The following SLC30A8 variants were observed in gnomAD, a reference collection of about 807,000 sequenced individuals.
SLC30A8 encodes solute carrier family 30 member 8.
A neutral mutation model predicts 36.9 loss-of-function variants in SLC30A8; 27 were observed. That is an observed-to-expected ratio of 0.73 (90% CI 0.54 to 1.01). SLC30A8 has a LOEUF of 1.01. Ranked by LOEUF, SLC30A8 falls within the 50% of genes least tolerant of loss-of-function variation. The probability of loss-of-function intolerance (pLI) is 0.00; values close to 1 mark genes in which losing one functional copy is unlikely to be tolerated. For missense variants in SLC30A8, 439 were observed against 452.0 expected (o/e 0.97, Z 0.26); for synonymous variants, 164 against 172.4 (o/e 0.95, Z 0.38).
chr8:116,986,185 T>G (rs1311846478), intron 1 of SLC30A8, among the ~76,000 whole-genome samples: 1 of 152,232 alleles, frequency 6.6e-6, no homozygotes, highest in Non-Finnish European at 1.5e-5. Context: ...CTTCTTAGTT[T>G]TCTTCATAGT....
At chr8:117,090,809 G>A (rs563048437) in intron 2 of SLC30A8, among the ~76,000 whole-genome samples, 2 of 152,258 alleles carry the variant, frequency 1.3e-5, no homozygotes, top group South Asian at 4.1e-4. Flanking sequence ...TTAGCTCTCT[G>A]TATTTGTCAC....
rs1241680394 is a variant in SLC30A8 at position 117,153,088 on chromosome 8, C to T, written c.416C>T (p.Ala139Val). The T allele has an allele frequency of 6.2e-7, 1 of 1,606,090 alleles. No homozygotes were observed. Among genetic ancestry groups the T allele is most frequent in the Admixed American group, 1.7e-5 (1 of 59,582 alleles). ...CGGCTGACATTTGGATGGCACCGAG[C>T]AGGTACGGTTCATAGAGTGAGCAAT... ...SKRLTFGWHR[A>V]EILGALLSIL... is the part of the protein sequence containing the mutation. Residue 139 changes from alanine (A) to valine (V), a missense_variant and splice_region_variant, in exon 3 of 8, where the codon GCA (alanine) becomes GTA (valine). Ala to Val is a moderately conservative substitution (Grantham distance 64). Coordinates refer to ENST00000456015, the MANE Select transcript of SLC30A8 (RefSeq NM_173851.3).
intron 6 of SLC30A8, among the ~76,000 whole-genome samples, chr8:117,168,847 C>T (rs979434888): frequency 6.6e-5 from 10 of 152,062 alleles, no homozygotes; most frequent in African/African-American, 2.4e-4. Flanking sequence ...ATCTGATATC[C>T]CTGGTTCTGC....
chr8:117,013,451 G>A (rs1413946445), intron 1 of SLC30A8, among the ~76,000 whole-genome samples: 1 of 152,078 alleles, frequency 6.6e-6, no homozygotes, highest in Non-Finnish European at 1.5e-5. Flanking sequence ...AATCATCTAG[G>A]CACCCCTTTT....
At chr8:117,143,799 T>C (rs1387762408) in intron 1 of SLC30A8, among the ~76,000 whole-genome samples, 1 of 152,020 alleles carries the variant, frequency 6.6e-6, no homozygotes, top group East Asian at 1.9e-4. Context: ...TCAGAGTATA[T>C]CCATATTTGT....
chr8:117,108,379 A>G (rs904418861), intron 2 of SLC30A8, among the ~76,000 whole-genome samples: 2 of 152,308 alleles, frequency 1.3e-5, no homozygotes, highest in East Asian at 1.9e-4. Flanking sequence ...AACATTTCTC[A>G]TATGCTAAAT....
intron 1 of SLC30A8, among the ~76,000 whole-genome samples, chr8:117,037,888 G>T (rs187191674): frequency 6.6e-5 from 10 of 152,286 alleles, no homozygotes; most frequent in Admixed American, 5.9e-4. Context: ...AGTTAGAAAA[G>T]AAAATGATCA....
At chr8:117,169,523 C>T (rs766458285) in intron 6 of SLC30A8, among the ~76,000 whole-genome samples, 1 of 152,096 alleles carries the variant, frequency 6.6e-6, no homozygotes, top group Non-Finnish European at 1.5e-5. Flanking sequence ...TTAAACAATG[C>T]TTATGCTCAG....
intron 1 of SLC30A8, among the ~76,000 whole-genome samples, chr8:117,024,122 G>A (rs544763566): frequency 3.3e-5 from 5 of 152,244 alleles, no homozygotes; most frequent in African/African-American, 9.6e-5. Context: ...CAGTTGATTT[G>A]CTGTTGGATA....
At chr8:117,106,937 T>C (rs1421878708) in intron 2 of SLC30A8, among the ~76,000 whole-genome samples, 1 of 152,198 alleles carries the variant, frequency 6.6e-6, no homozygotes, top group African/African-American at 2.4e-5. Context: ...AAAACCATTC[T>C]ATCTGCATAG....
intron 1 of SLC30A8, among the ~76,000 whole-genome samples, chr8:117,020,830 T>C (rs746423769): frequency 5.3e-5 from 8 of 152,182 alleles, no homozygotes; most frequent in Non-Finnish European, 1.2e-4. Context: ...TCTCTCTTTA[T>C]AAATATCTGT....
At chr8:117,102,762 C>G (rs1464893323) in intron 2 of SLC30A8, among the ~76,000 whole-genome samples, 1 of 152,168 alleles carries the variant, frequency 6.6e-6, no homozygotes, top group South Asian at 2.1e-4. Flanking sequence ...CCAAATGTCT[C>G]TCTTCTCATA....
chr8:117,078,541 C>T (rs1388760482), intron 2 of SLC30A8, among the ~76,000 whole-genome samples: 4 of 152,038 alleles, frequency 2.6e-5, no homozygotes, highest in East Asian at 1.9e-4. Context: ...AAAACCATGA[C>T]ATTCCTCTCT....
intron 1 of SLC30A8, among the ~76,000 whole-genome samples, chr8:116,961,707 A>G (rs1002336369): frequency 6.6e-6 from 1 of 151,926 alleles, no homozygotes; most frequent in Non-Finnish European, 1.5e-5. Flanking sequence ...GCCTTGCTGC[A>G]TACTATGGAG....
At chr8:117,153,556 A>G (rs1822302107) in intron 3 of SLC30A8, among the ~76,000 whole-genome samples, 1 of 152,194 alleles carries the variant, frequency 6.6e-6, no homozygotes, top group Admixed American at 6.5e-5. Context: ...CCATTCAGCC[A>G]TTGGTCCAAT....
At chr8:117,121,409 C>A (rs1164220894) in intron 2 of SLC30A8, among the ~76,000 whole-genome samples, 1 of 151,940 alleles carries the variant, frequency 6.6e-6, no homozygotes, top group African/African-American at 2.4e-5. Context: ...CTATTTCTCA[C>A]AGTTCTAGAG....
chr8:116,963,868 A>G (rs535307603), intron 1 of SLC30A8, among the ~76,000 whole-genome samples: 1 of 152,340 alleles, frequency 6.6e-6, no homozygotes, highest in South Asian at 2.1e-4. Flanking sequence ...CATTTTACTG[A>G]ACTTACCTTT....
intron 2 of SLC30A8, among the ~76,000 whole-genome samples, chr8:117,073,801 AC>A (rs1448972575): frequency 1.3e-5 from 2 of 151,826 alleles, no homozygotes; most frequent in African/African-American, 4.8e-5. Context: ...GGATCATAAA[AC>A]CCAATGGCAC....
intron 1 of SLC30A8, among the ~76,000 whole-genome samples, chr8:117,021,998 A>G (rs1816711331): frequency 6.6e-6 from 1 of 151,940 alleles, no homozygotes; most frequent in Non-Finnish European, 1.5e-5. Flanking sequence ...ATTGTTGTGC[A>G]AATGTAAAAG....
Sources: allele counts gnomAD v4.1 joint callset (sites outside exome capture counted in the v4.1 genomes callset), GRCh38; gene constraint gnomAD v4.1.1; transcripts MANE v1.5; gene names NCBI Gene and HGNC (gene_info 2026-07-23, HGNC 2026-07-21).